The following RNF152 variants were observed in gnomAD, a reference collection of about 807,000 sequenced individuals.
The protein encoded by RNF152 is E3 ubiquitin-protein ligase RNF152.
RNF152 carries 11 observed loss-of-function variants against 12.7 expected under a neutral mutation model. That is an observed-to-expected ratio of 0.86 (90% CI 0.54 to 1.43). RNF152 has a LOEUF of 1.43. Among genes scored for constraint, RNF152 ranks in the 40% most tolerant of loss-of-function variants. RNF152 has a pLI of 0.00. For synonymous variants in RNF152, 113 were observed against 120.3 expected, an observed-to-expected ratio of 0.94 and a Z score of 0.40; for missense variants, 255 against 274.8, an observed-to-expected ratio of 0.93 and a Z score of 0.51.
chr18:61,846,392 T>C (rs758542953), intron 1 of RNF152, among the ~76,000 whole-genome samples: 2 of 152,214 alleles, frequency 1.3e-5, no homozygotes, highest in East Asian at 1.9e-4. Flanking sequence ...ACTGTGCCTA[T>C]GCAATCTCAT....
rs1555702357 is a variant in RNF152 at position 61,844,110 on chromosome 18, G to GAAAGAAAGAAAGAAAGAA, written c.-135-27530_-135-27513dup. ...AGAAAGAAAGAAAGAAAGAAAGAAA[G>GAAAGAAAGAAAGAAAGAA]AAAGAAAGAAAGAAAGAAAGAAAGA... On this transcript the variant is annotated intron_variant, in intron 1 of 1. Transcript: ENST00000312828. Among the ~76,000 whole-genome samples, 62 of 137,032 alleles carry GAAAGAAAGAAAGAAAGAA rather than the reference G, an allele frequency of 4.5e-4. 1 individual carries two copies. Among genetic ancestry groups the GAAAGAAAGAAAGAAAGAA allele is most frequent in the African/African-American group, 1.3e-3 (49 of 37,608 alleles). 89.9% of individuals were successfully genotyped at this position (137,032 alleles called of 152,430 possible).
intron 1 of RNF152, among the ~76,000 whole-genome samples, chr18:61,872,943 T>C (rs1242707126): frequency 6.6e-6 from 1 of 152,230 alleles, no homozygotes; most frequent in Non-Finnish European, 1.5e-5. Flanking sequence ...GTTTATTTTG[T>C]TTCTGATAAT....
At chr18:61,831,649 C>T (rs1186753522) in intron 1 of RNF152, among the ~76,000 whole-genome samples, 1 of 151,628 alleles carries the variant, frequency 6.6e-6, no homozygotes, top group Non-Finnish European at 1.5e-5. Context: ...ACAATGCTCA[C>T]TTCCTACTGT....
intron 1 of RNF152, among the ~76,000 whole-genome samples, chr18:61,840,131 C>T (rs1910385321): frequency 6.6e-6 from 1 of 152,290 alleles, no homozygotes; most frequent in African/African-American, 2.4e-5. Context: ...AGCTTATTTG[C>T]TCTTTCCCTC....
At chr18:61,837,585 C>T (rs1204619564) in intron 1 of RNF152, among the ~76,000 whole-genome samples, 1 of 152,128 alleles carries the variant, frequency 6.6e-6, no homozygotes, top group African/African-American at 2.4e-5. Context: ...TTACTATGGA[C>T]TTATCTGCAT....
chr18:61,885,808 A>C (rs1912665427), intron 1 of RNF152, among the ~76,000 whole-genome samples: 1 of 152,120 alleles, frequency 6.6e-6, no homozygotes, highest in African/African-American at 2.4e-5. Flanking sequence ...TGAAGCCTTT[A>C]ATTATAAACG....
chr18:61,893,910 C>A (rs1482495078), upstream of RNF152, among the ~76,000 whole-genome samples: 1 of 151,892 alleles, frequency 6.6e-6, no homozygotes, highest in South Asian at 2.1e-4. Flanking sequence ...ACACGCAACT[C>A]CCGGGACCAC....
intron 1 of RNF152, among the ~76,000 whole-genome samples, chr18:61,882,694 G>A (rs909430843): frequency 6.6e-6 from 1 of 152,146 alleles, no homozygotes. Flanking sequence ...CAGAGAGAGA[G>A]GAAATGCTGG....
At chr18:61,881,457 G>A (rs1276333277) in intron 1 of RNF152, among the ~76,000 whole-genome samples, 32 of 152,168 alleles carry the variant, frequency 2.1e-4, no homozygotes, top group Admixed American at 2.1e-3. Context: ...ATGGGAAGAG[G>A]AGAAGTGCAG....
chr18:61,893,894 C>G (rs917751604), upstream of RNF152: 1 of 152,612 alleles, frequency 6.6e-6, no homozygotes, highest in Non-Finnish European at 1.5e-5. Context: ...CGCCAGCTCT[C>G]AGGAGACACG....
chr18:61,844,470 C>T (rs1910659389), intron 1 of RNF152, among the ~76,000 whole-genome samples: 1 of 152,144 alleles, frequency 6.6e-6, no homozygotes, highest in Non-Finnish European at 1.5e-5. Context: ...CAAAAGAAAA[C>T]CATCCATTAT....
At chr18:61,824,981 A>T (rs928954461) in intron 1 of RNF152, among the ~76,000 whole-genome samples, 2 of 152,236 alleles carry the variant, frequency 1.3e-5, no homozygotes, top group African/African-American at 4.8e-5. Context: ...AATAAAGATG[A>T]TCAATTACCC....
rs1435671186 is a variant in RNF152, at chr18:61,816,158, C to T, written c.306G>A (p.Leu102=). 1.2e-6 allele frequency: 2 copies of T among 1,614,212 alleles called. No homozygotes were observed. The highest frequency in any genetic ancestry group is 2.2e-5 in the East Asian group (1 of 44,878). The change falls in exon 2 of 2, where the codon CTG becomes CTA. Residue 102 remains leucine (L), a synonymous_variant. Coordinates refer to ENST00000312828, the MANE Select transcript of RNF152 (RefSeq NM_173557.3). ...IKLPSNGCYM[L]PLPISKERAL... is the part of the protein sequence containing the mutation. The stretch of plus-strand genomic sequence containing the variant: ...CACGCTCCTTGGAGATGGGCAGGGG[C>T]AGCATGTAGCACCCATTGCTGGGAA...
intron 1 of RNF152, among the ~76,000 whole-genome samples, chr18:61,834,143 A>G (rs1910077578): frequency 6.6e-6 from 1 of 151,970 alleles, no homozygotes; most frequent in Non-Finnish European, 1.5e-5. Context: ...CACTCCAGCC[A>G]CTCTGAGTCA....
intron 1 of RNF152, among the ~76,000 whole-genome samples, chr18:61,859,734 CCAGGCGTGGTGG>C (rs1382656293): frequency 6.6e-6 from 1 of 152,096 alleles, no homozygotes; most frequent in African/African-American, 2.4e-5. Context: ...CAAAAATTAG[CCAGGCGTGGTGG>C]CAGGCGCCTG....
chr18:61,863,516 C>T (rs1439344572), intron 1 of RNF152, among the ~76,000 whole-genome samples: 1 of 151,006 alleles, frequency 6.6e-6, no homozygotes, highest in Non-Finnish European at 1.5e-5. Context: ...TCTGTAGATT[C>T]TTCTACTGAC....
At position 61,829,514 on chromosome 18, in the gene RNF152, T is replaced by G. The variant is rs1434416300; in HGVS notation, c.-135-12916A>C. The stretch of plus-strand genomic sequence containing the variant: ...GAGAGGGGAGAGAGAGATATATATA[T>G]ATCAGGGGAGGGAGAGAGAGAGAGA... On this transcript the variant is annotated intron_variant, in intron 1 of 1. Transcript: ENST00000312828. Among the ~76,000 whole-genome samples the G allele has an allele frequency of 7.3e-4, 100 of 137,324 alleles. 1 individual carries two copies. The highest frequency in any genetic ancestry group is 8.6e-4 in the Non-Finnish European group (54 of 63,016). The allele number at this position is 137,324 out of a possible 152,430, so 90.1% of individuals were successfully genotyped here. A position where few individuals can be genotyped will look rare whatever the true frequency, so the allele number is the denominator to read the frequency against.
intron 1 of RNF152, among the ~76,000 whole-genome samples, chr18:61,828,402 C>T (rs1220721569): frequency 6.6e-6 from 1 of 152,128 alleles, no homozygotes. Context: ...CAGATGCACA[C>T]CACCATGCCC....
At position 61,812,456 on chromosome 18, in the gene RNF152, TCTTAGAG is replaced by T. The variant is rs1166610644; in HGVS notation, c.*3389_*3395del. ...CTTAATTCTATTTTTAAAGAAAACA[TCTTAGAG>T]CTTTCTGATCATTAAGTATGACTGG... On this transcript the variant is annotated 3_prime_UTR_variant, in exon 2 of 2. Transcript: ENST00000312828. 1 of 152,176 alleles carries T rather than the reference TCTTAGAG, an allele frequency of 6.6e-6. No homozygotes were observed. Among genetic ancestry groups the T allele is most frequent in the African/African-American group, 2.4e-5 (1 of 41,444 alleles). The allele number at this position is 152,176 out of a possible 1,614,324, so 9.4% of individuals were successfully genotyped here. A position where few individuals can be genotyped will look rare whatever the true frequency, so the allele number is the denominator to read the frequency against.
Sources: allele counts gnomAD v4.1 joint callset (sites outside exome capture counted in the v4.1 genomes callset), GRCh38; gene constraint gnomAD v4.1.1; transcripts MANE v1.5; gene names NCBI Gene and HGNC (gene_info 2026-07-23, HGNC 2026-07-21).